Variants in ADGRB3 observed in about 807,000 individuals in gnomAD.
The protein encoded by ADGRB3 is brain-specific angiogenesis inhibitor 3.
Under a neutral mutation model 193.4 loss-of-function variants are expected in ADGRB3, and 37 were observed. The ratio of observed to expected loss-of-function variants is 0.19; its 90% CI spans 0.15 to 0.25. The LOEUF (loss-of-function observed/expected upper bound fraction) is 0.25, where lower values mean the gene tolerates loss of function less well. ADGRB3 is among the 10% of genes least tolerant of loss of function. The probability of loss-of-function intolerance (pLI) is 1.00; values close to 1 mark genes in which losing one functional copy is unlikely to be tolerated. For missense variants in ADGRB3, 1,637 were observed against 1,852.9 expected (o/e 0.88, Z 2.14); for synonymous variants, 690 against 644.2 (o/e 1.07, Z -1.08).
intron 17 of ADGRB3, among the ~76,000 whole-genome samples, chr6:69,199,447 A>G (rs1765373693): frequency 6.6e-6 from 1 of 152,116 alleles, no homozygotes. Context: ...GAGATAACTC[A>G]TTTAAAGCAC....
intron 17 of ADGRB3, among the ~76,000 whole-genome samples, chr6:69,146,863 C>T (rs1774515583): frequency 7.8e-6 from 1 of 128,732 alleles, no homozygotes; most frequent in Non-Finnish European, 1.6e-5. Context: ...GGTTTTGGAC[C>T]TCTTCATGGT....
chr6:68,790,150 A>G (rs1767070738), intron 3 of ADGRB3, among the ~76,000 whole-genome samples: 1 of 151,968 alleles, frequency 6.6e-6, no homozygotes, highest in Admixed American at 6.6e-5. Flanking sequence ...TCTTCTCTCA[A>G]CTTGTCAAAG....
At chr6:69,316,736 A>G (rs756097331) in intron 20 of ADGRB3, among the ~76,000 whole-genome samples, 7 of 151,568 alleles carry the variant, frequency 4.6e-5, no homozygotes, top group Non-Finnish European at 1.0e-4. Flanking sequence ...CTAGACGGCA[A>G]GAAGAAAAGA....
chr6:68,981,253 A>G (rs1379270861), intron 10 of ADGRB3, among the ~76,000 whole-genome samples: 2 of 151,602 alleles, frequency 1.3e-5, no homozygotes, highest in Non-Finnish European at 3.0e-5. Flanking sequence ...TTCAGAACCT[A>G]TCTGTTAGAA....
chr6:68,997,900 T>C (rs1030209957), intron 11 of ADGRB3, among the ~76,000 whole-genome samples: 8 of 152,218 alleles, frequency 5.3e-5, no homozygotes, highest in African/African-American at 1.9e-4. Context: ...TATAAAAACA[T>C]TTATTTTTTA....
At chr6:68,687,304 TA>T (rs962664718) in intron 3 of ADGRB3, among the ~76,000 whole-genome samples, 1 of 152,146 alleles carries the variant, frequency 6.6e-6, no homozygotes. Flanking sequence ...TATATAAATG[TA>T]CACACATGCT....
chr6:69,201,874 C>G (rs1421440509), intron 17 of ADGRB3, among the ~76,000 whole-genome samples: 1 of 152,132 alleles, frequency 6.6e-6, no homozygotes, highest in East Asian at 1.9e-4. Flanking sequence ...AACATATCTT[C>G]TGTTGTCTAC....
chr6:68,679,628 T>C (rs1341018770), intron 3 of ADGRB3, among the ~76,000 whole-genome samples: 12 of 152,160 alleles, frequency 7.9e-5, no homozygotes, highest in Non-Finnish European at 1.3e-4. Context: ...TCTGCCAGCA[T>C]TAATGAATCA....
intron 28 of ADGRB3, among the ~76,000 whole-genome samples, chr6:69,357,510 A>T (rs946471785): frequency 1.3e-5 from 2 of 151,974 alleles, no homozygotes; most frequent in Non-Finnish European, 2.9e-5. Context: ...GTTGAATGGC[A>T]TGAAACCTAG....
At chr6:68,746,898 G>T (rs1388327391) in intron 3 of ADGRB3, among the ~76,000 whole-genome samples, 3 of 151,632 alleles carry the variant, frequency 2.0e-5, no homozygotes, top group Non-Finnish European at 4.4e-5. Flanking sequence ...TTTTGTATTT[G>T]CTTAGTTATT....
intron 20 of ADGRB3, among the ~76,000 whole-genome samples, chr6:69,279,101 ATATAT>A (rs1767367294): frequency 7.5e-6 from 1 of 133,760 alleles, no homozygotes; most frequent in Admixed American, 7.4e-5. Context: ...ATATATATAT[ATATAT>A]ATATATATAT....
chr6:68,816,285 ATTATTTAT>A lies in ADGRB3; in HGVS notation c.758-114272_758-114265del, dbSNP rs1216897553. Among the ~76,000 whole-genome samples, 4 of 152,170 alleles carry A rather than the reference ATTATTTAT, an allele frequency of 2.6e-5. No individual in the cohort carries two copies. In the East Asian group the frequency reaches 7.7e-4, roughly 29 times the overall value. The stretch of plus-strand genomic sequence containing the variant: ...AATGCTTATTGGAATAAAAATTATC[ATTATTTAT>A]TATCATGAAAATGATTAAGAATCTG... On this transcript the variant is annotated intron_variant, in intron 3 of 31. Coordinates refer to ENST00000370598, the MANE Select transcript of ADGRB3 (RefSeq NM_001704.3).
At chr6:68,730,147 T>A (rs1483113140) in intron 3 of ADGRB3, among the ~76,000 whole-genome samples, 1 of 151,708 alleles carries the variant, frequency 6.6e-6, no homozygotes, top group Non-Finnish European at 1.5e-5. Flanking sequence ...ATCAGATGAA[T>A]ACTTAAATTC....
chr6:69,385,448 T>C (rs1770049922), intron 31 of ADGRB3, among the ~76,000 whole-genome samples: 1 of 152,034 alleles, frequency 6.6e-6, no homozygotes, highest in Admixed American at 6.6e-5. Flanking sequence ...TGGGAAATGC[T>C]CAGGCAGCCC....
At chr6:69,126,754 T>A (rs1773863477) in intron 17 of ADGRB3, among the ~76,000 whole-genome samples, 1 of 152,196 alleles carries the variant, frequency 6.6e-6, no homozygotes, top group African/African-American at 2.4e-5. Context: ...CTTAATCTAG[T>A]AAAGTTGACA....
At position 68,980,662 on chromosome 6, in the gene ADGRB3, C is replaced by T. The variant is rs1768883252; in HGVS notation, c.1734+5322C>T. On this transcript the variant is annotated intron_variant, in intron 10 of 31. Transcript: ENST00000370598. Reference sequence around the variant, plus strand: ...CCTGTCTTATTGTTTCTTCAATGAGCAATTAAGAAACCAGTAAACAAATGC... The same window carrying T: ...CCTGTCTTATTGTTTCTTCAATGAGTAATTAAGAAACCAGTAAACAAATGC... 5.9e-5 allele frequency among the ~76,000 whole-genome samples: 9 copies of T among 151,560 alleles called. No homozygotes were observed. In the South Asian group the frequency reaches 1.9e-3, roughly 31 times the overall value.
intron 17 of ADGRB3, among the ~76,000 whole-genome samples, chr6:69,136,747 A>G (rs548172101): frequency 6.6e-6 from 1 of 152,078 alleles, no homozygotes; most frequent in South Asian, 2.1e-4. Flanking sequence ...TTTAGTAGCC[A>G]TAGCCATATT....
intron 3 of ADGRB3, among the ~76,000 whole-genome samples, chr6:68,775,249 G>A (rs1428710476): frequency 6.6e-6 from 1 of 151,892 alleles, no homozygotes; most frequent in Non-Finnish European, 1.5e-5. Flanking sequence ...GAGTCAATGG[G>A]AGTCAAGATG....
intron 17 of ADGRB3, among the ~76,000 whole-genome samples, chr6:69,137,056 C>CTTTTTTTTT (rs71548125): frequency 5.0e-5 from 4 of 80,106 alleles, no homozygotes; most frequent in African/African-American, 1.6e-4. Flanking sequence ...TCTTTTCTTT[C>CTTTTTTTTT]TTTTTTTTTT....
Sources: gnomAD v4.1 joint callset for allele counts (sites outside exome capture counted in the v4.1 genomes callset) on GRCh38, gnomAD v4.1.1 for gene constraint, MANE v1.5 for transcripts, NCBI Gene and HGNC (gene_info 2026-07-23, HGNC 2026-07-21) for gene names.